Variants in FABP7 observed in about 807,000 individuals in gnomAD.
The protein encoded by FABP7 is fatty acid-binding protein, brain.
A neutral mutation model predicts 14.2 loss-of-function variants in FABP7; 13 were observed. That is an observed-to-expected ratio of 0.91 (90% confidence interval 0.59 to 1.45). The LOEUF is 1.45. Among genes scored for constraint, FABP7 ranks in the 40% most tolerant of loss-of-function variants. The probability of loss-of-function intolerance (pLI) is 0.00; values close to 1 mark genes in which losing one functional copy is unlikely to be tolerated. For synonymous variants in FABP7, 49 were observed against 51.4 expected, an observed-to-expected ratio of 0.95 and a Z score of 0.20; for missense variants, 149 against 157.6, an observed-to-expected ratio of 0.95 and a Z score of 0.29.
chr6:122,768,367 AACTATT>A, the FABP7 span, among the ~76,000 whole-genome samples: 3 of 152,166 alleles, frequency 2.0e-5, no homozygotes, highest in East Asian at 5.8e-4. Context: ...GCCCAAAATA[AACTATT>A]GCACATGTAA....
chr6:122,773,968 A>T, the FABP7 span, among the ~76,000 whole-genome samples: 1 of 152,060 alleles, frequency 6.6e-6, no homozygotes, highest in Non-Finnish European at 1.5e-5. Flanking sequence ...AACAACTCTG[A>T]GTGAGGAGTC....
the FABP7 span, among the ~76,000 whole-genome samples, chr6:122,763,868 A>G: frequency 3.9e-5 from 6 of 152,178 alleles, no homozygotes; most frequent in Non-Finnish European, 5.9e-5. Flanking sequence ...TTAGAATGGC[A>G]ATCATTAAAA....
At chr6:122,778,189 T>A (rs2115140634), upstream of FABP7, among the ~76,000 whole-genome samples, 1 of 152,234 alleles carries the variant, frequency 6.6e-6, no homozygotes, top group East Asian at 1.9e-4. Context: ...TGTAAAACAT[T>A]TTACAGAGTT....
At chr6:122,775,294 A>G (rs1780652507), upstream of FABP7, among the ~76,000 whole-genome samples, 1 of 152,280 alleles carries the variant, frequency 6.6e-6, no homozygotes, top group Admixed American at 6.5e-5. Context: ...AAAAGTGCAT[A>G]GTACTGGCAT....
At chr6:122,753,573 T>A in the FABP7 span, among the ~76,000 whole-genome samples, 1 of 152,112 alleles carries the variant, frequency 6.6e-6, no homozygotes, top group East Asian at 1.9e-4. Flanking sequence ...GTGGGTACTG[T>A]CACCGATAGA....
At chr6:122,756,502 G>T in the FABP7 span, among the ~76,000 whole-genome samples, 3 of 152,148 alleles carry the variant, frequency 2.0e-5, no homozygotes. Flanking sequence ...AATATAATCT[G>T]CATTCTACTC....
intron 2 of FABP7, 102 bp downstream of exon 2, chr6:122,780,565 T>C: frequency 8.0e-7 from 1 of 1,248,112 alleles, no homozygotes; most frequent in Non-Finnish European, 1.1e-6. Context: ...GTGTAGAATA[T>C]TTTCAGTATT....
At chr6:122,762,770 A>G in the FABP7 span, among the ~76,000 whole-genome samples, 2 of 152,246 alleles carry the variant, frequency 1.3e-5, no homozygotes, top group African/African-American at 4.8e-5. Context: ...GAGCCAAATC[A>G]TGAGTGAACT....
At chr6:122,761,550 A>G in the FABP7 span, among the ~76,000 whole-genome samples, 1 of 152,326 alleles carries the variant, frequency 6.6e-6, no homozygotes, top group East Asian at 1.9e-4. Context: ...AGATTATTAT[A>G]TTAATTGATC....
chr6:122,763,983 C>T, the FABP7 span, among the ~76,000 whole-genome samples: 118 of 152,262 alleles, frequency 7.7e-4, no homozygotes, highest in African/African-American at 2.0e-3. Context: ...GACAGGAAGG[C>T]GATTCCTCAA....
chr6:122,779,865 TAGGTAGGTAAC>T lies in FABP7; in HGVS notation c.73_73+10del. Reference sequence around the variant, plus strand: ...AACTTTGATGAGTACATGAAGGCTCTAGGTAGGTAACAATAAGACCGGCTGTTCTCTTCTCA... The same window carrying T: ...AACTTTGATGAGTACATGAAGGCTCTAATAAGACCGGCTGTTCTCTTCTCA... On this transcript the variant is annotated splice_donor_variant and splice_donor_5th_base_variant and coding_sequence_variant and intron_variant, in exon 1 of 4. Transcript: ENST00000368444. LOFTEE classifies it high-confidence loss of function. 6.2e-7 allele frequency: 1 copy of T among 1,613,282 alleles called. No homozygotes were observed. The highest frequency in any genetic ancestry group is 1.1e-5 in the South Asian group (1 of 91,040).
At position 122,783,992 on chromosome 6, in the gene FABP7, C is replaced by T. The variant is rs200830892; in HGVS notation, c.*225C>T. The T allele has an allele frequency of 1.7e-3, 330 of 193,320 alleles. 1 individual carries two copies. The highest frequency in any genetic ancestry group is 4.1e-3 in the African/African-American group (96 of 23,584). The allele number at this position is 193,320 out of a possible 1,614,324, so 12.0% of individuals were successfully genotyped here. On this transcript the variant is annotated 3_prime_UTR_variant, in exon 4 of 4. Coordinates refer to ENST00000368444, the MANE Select transcript of FABP7 (RefSeq NM_001446.5). ...GAATTAAAGTTTTGTCCCCCCCCCC[C>T]TTTTTTTTATAAACAAGTGAATACA...
the FABP7 span, among the ~76,000 whole-genome samples, chr6:122,753,342 G>A: frequency 6.6e-6 from 1 of 152,192 alleles, no homozygotes; most frequent in Non-Finnish European, 1.5e-5. Context: ...ACAAGGCTCT[G>A]CTGCCTCTTG....
the FABP7 span, among the ~76,000 whole-genome samples, chr6:122,762,514 C>T: frequency 1.3e-5 from 2 of 152,178 alleles, no homozygotes; most frequent in Non-Finnish European, 2.9e-5. Flanking sequence ...CACTCCTATT[C>T]AACATCGTGT....
upstream of FABP7, chr6:122,779,624 A>G (rs528762778): frequency 1.6e-4 from 99 of 626,898 alleles, no homozygotes; most frequent in South Asian, 1.8e-3. Context: ...TCTTGGAAAG[A>G]GGGACACTGG....
At chr6:122,775,022 G>A (rs142690980), upstream of FABP7, among the ~76,000 whole-genome samples, 242 of 151,456 alleles carry the variant, frequency 1.6e-3, 1 homozygote, top group African/African-American at 5.5e-3. Flanking sequence ...CACACAAAAA[G>A]GAAAGATATT....
chr6:122,755,346 A>T, the FABP7 span, among the ~76,000 whole-genome samples: 1 of 151,856 alleles, frequency 6.6e-6, no homozygotes, highest in Non-Finnish European at 1.5e-5. Flanking sequence ...TCTCATTATA[A>T]TATAGTATGA....
intron 3 of FABP7, chr6:122,782,904 T>C (rs1232497996): frequency 4.1e-6 from 4 of 985,372 alleles, no homozygotes; most frequent in South Asian, 9.4e-5. Context: ...AAAGATTCGC[T>C]CTGAAGTTCT....
chr6:122,755,458 T>C, the FABP7 span, among the ~76,000 whole-genome samples: 14 of 123,830 alleles, frequency 1.1e-4, no homozygotes, highest in African/African-American at 3.8e-4. Context: ...ATATGTTTTG[T>C]ATTTTTTTTT....
Sources: gnomAD v4.1 joint callset for allele counts (sites outside exome capture counted in the v4.1 genomes callset) on GRCh38, gnomAD v4.1.1 for gene constraint, MANE v1.5 for transcripts, NCBI Gene and HGNC (gene_info 2026-07-23, HGNC 2026-07-21) for gene names.